MAP3K9: variants seen among roughly 807,000 people sequenced by gnomAD.
MAP3K9 encodes the protein mixed lineage kinase 1 (tyr and ser/thr specificity).
MAP3K9 carries 46 observed loss-of-function variants against 95.8 expected under a neutral mutation model. The observed-to-expected ratio is 0.48, with a 90% CI of 0.38 to 0.61. The LOEUF is 0.61. Ranked by LOEUF, MAP3K9 falls within the 20% of genes least tolerant of loss-of-function variation. The pLI is 0.00. For missense variants in MAP3K9, 1,296 were observed against 1,474.3 expected, an observed-to-expected ratio of 0.88 and a Z score of 1.98; for synonymous variants, 533 against 593.8, an observed-to-expected ratio of 0.90 and a Z score of 1.49.
intron 11 of MAP3K9, 76 bp downstream of exon 11, chr14:70,732,462 GA>G: frequency 6.8e-7 from 1 of 1,479,772 alleles, no homozygotes; most frequent in Non-Finnish European, 9.0e-7. Context: ...AGTGGAAAGA[GA>G]AAATGAGGCC....
chr14:70,756,536 G>A (rs1392342704), intron 3 of MAP3K9, among the ~76,000 whole-genome samples: 1 of 152,218 alleles, frequency 6.6e-6, no homozygotes, highest in Non-Finnish European at 1.5e-5. Flanking sequence ...TTGGAGCCAG[G>A]TGTGCCCACA....
At chr14:70,752,081 C>A (rs917807680) in intron 3 of MAP3K9, among the ~76,000 whole-genome samples, 3 of 152,188 alleles carry the variant, frequency 2.0e-5, no homozygotes, top group African/African-American at 4.8e-5. Flanking sequence ...CAAATACTAT[C>A]ATTTTCTTTA....
chr14:70,742,280 C>A, intron 6 of MAP3K9, 71 bp downstream of exon 6: 1 of 1,561,490 alleles, frequency 6.4e-7, no homozygotes. Flanking sequence ...CAGTCCCGGA[C>A]TCCCTCAAAC....
intron 1 of MAP3K9, among the ~76,000 whole-genome samples, chr14:70,804,698 C>T (rs540701380): frequency 1.9e-4 from 29 of 152,028 alleles, no homozygotes; most frequent in Non-Finnish European, 2.2e-4. Flanking sequence ...AAAATAAATG[C>T]AGGGAGGTTT....
intron 9 of MAP3K9, among the ~76,000 whole-genome samples, chr14:70,735,027 T>C (rs1319174571): frequency 6.6e-6 from 1 of 152,196 alleles, no homozygotes; most frequent in East Asian, 1.9e-4. Context: ...CATCCCCTTT[T>C]TAAAAGGCAA....
At chr14:70,802,245 T>G (rs894707375) in intron 1 of MAP3K9, among the ~76,000 whole-genome samples, 2 of 152,170 alleles carry the variant, frequency 1.3e-5, no homozygotes, top group Admixed American at 6.5e-5. Flanking sequence ...CAGAACTTGG[T>G]TCTACCTGGA....
At chr14:70,735,914 GA>G (rs1267283367) in intron 9 of MAP3K9, 46 bp downstream of exon 9, 2 of 1,343,690 alleles carry the variant, frequency 1.5e-6, no homozygotes, top group Admixed American at 1.7e-5. Context: ...AAATGGAAGG[GA>G]GATTGTTACC....
rs970901313 is a variant in MAP3K9, at chr14:70,728,919, T to A, written c.*1461A>T. ...GACTCTACTCCCAATCAAGTCGTCA[T>A]TCCCACATAAAGACAACTGTTCACA... On this transcript the variant is annotated 3_prime_UTR_variant, in exon 12 of 12. Transcript: ENST00000554752. The A allele has an allele frequency of 6.6e-6, 1 of 152,202 alleles. No individual in the cohort carries two copies. Among genetic ancestry groups the A allele is most frequent in the African/African-American group, 2.4e-5 (1 of 41,432 alleles). 9.4% of individuals were successfully genotyped at this position (152,202 alleles called of 1,614,324 possible).
chr14:70,793,570 T>C (rs1594809824), intron 2 of MAP3K9, among the ~76,000 whole-genome samples: 1 of 152,244 alleles, frequency 6.6e-6, no homozygotes, highest in East Asian at 1.9e-4. Flanking sequence ...TCCACACAAG[T>C]GAGGTCTGAA....
chr14:70,724,442 G>A lies in MAP3K9; in HGVS notation c.*5938C>T, dbSNP rs781708539. On this transcript the variant is annotated 3_prime_UTR_variant, in exon 12 of 12. Coordinates refer to ENST00000554752, the MANE Select transcript of MAP3K9 (RefSeq NM_001284230.2). ...AAAATTTAAAACGTATTTCACAGTG[G>A]TACCTAAGCCCCTCTCACAGGTCCA... 1.3e-5 allele frequency: 2 copies of A among 152,162 alleles called. No homozygotes were observed. The highest frequency in any genetic ancestry group is 2.9e-5 in the Non-Finnish European group (2 of 68,034). The allele number at this position is 152,162 out of a possible 1,614,324, so 9.4% of individuals were successfully genotyped here.
In MAP3K9 at chr14:70,800,554, AG is replaced by A. The variant is rs1325932868; in HGVS notation, c.820+112del. The A allele has an allele frequency of 4.7e-6, 5 of 1,069,880 alleles. No homozygotes were observed. In the African/African-American group the frequency reaches 6.3e-5, roughly 13 times the overall value. 66.3% of individuals were successfully genotyped at this position (1,069,880 alleles called of 1,614,324 possible). On this transcript the variant is annotated intron_variant, in intron 2 of 11. Transcript: ENST00000554752. ...TCCATTCAAGGATGGAATGTGTTTAAGCAAGGAGTTTCACTGCCCTCTAAGG... is the reference window on the plus strand; with the variant it reads ...TCCATTCAAGGATGGAATGTGTTTAACAAGGAGTTTCACTGCCCTCTAAGG...
At chr14:70,778,625 C>G (rs1316855408) in intron 2 of MAP3K9, among the ~76,000 whole-genome samples, 1 of 152,208 alleles carries the variant, frequency 6.6e-6, no homozygotes, top group Non-Finnish European at 1.5e-5. Context: ...ACACTGTCAT[C>G]ATCATTGCTA....
At chr14:70,789,923 C>G (rs1344416113) in intron 2 of MAP3K9, among the ~76,000 whole-genome samples, 3 of 152,138 alleles carry the variant, frequency 2.0e-5, no homozygotes, top group Non-Finnish European at 4.4e-5. Flanking sequence ...CCTAAGTGAC[C>G]TTGAGCCCCA....
At chr14:70,783,029 T>A (rs2054701526) in intron 2 of MAP3K9, among the ~76,000 whole-genome samples, 1 of 152,248 alleles carries the variant, frequency 6.6e-6, no homozygotes, top group South Asian at 2.1e-4. Context: ...AATGCCCATG[T>A]AAGGAAAAGT....
chr14:70,748,918 C>A lies in MAP3K9; in HGVS notation c.1237G>T (p.Glu413Ter). The A allele has an allele frequency of 6.2e-7, 1 of 1,614,068 alleles. No homozygotes were observed. The highest frequency in any genetic ancestry group is 8.5e-7 in the Non-Finnish European group (1 of 1,180,002). The change falls in exon 5 of 12, where the codon GAA becomes TAA. Residue 413 changes from glutamate to a stop codon, truncating the protein, a stop_gained. Coordinates refer to ENST00000554752, the MANE Select transcript of MAP3K9 (RefSeq NM_001284230.2). LOFTEE classifies it high-confidence loss of function. ...LTTIEESGFF[E>*]MPKDSFHCLQ... ...CAGTGGAAGGAGTCCTTGGGCATTT[C>A]AAAGAAACCAGACTCCTCTATGGTG...
chr14:70,727,292 A>G lies in MAP3K9; in HGVS notation c.*3088T>C, dbSNP rs2053832086. 1 of 152,196 alleles carries G rather than the reference A, an allele frequency of 6.6e-6. No homozygotes were observed. The highest frequency in any genetic ancestry group is 1.5e-5 in the Non-Finnish European group (1 of 68,034). The allele number at this position is 152,196 out of a possible 1,614,324, so 9.4% of individuals were successfully genotyped here. A position where few individuals can be genotyped will look rare whatever the true frequency, so the allele number is the denominator to read the frequency against. Reference sequence around the variant, plus strand: ...GAAATAACATACAGATAACTGAGGTATCTACTCAGCCTCCTGGCAGCAGTC... The same window carrying G: ...GAAATAACATACAGATAACTGAGGTGTCTACTCAGCCTCCTGGCAGCAGTC... On this transcript the variant is annotated 3_prime_UTR_variant, in exon 12 of 12. Transcript: ENST00000554752.
rs2139686939 is a variant in MAP3K9 at position 70,727,066 on chromosome 14, T to C, written c.*3314A>G. ...TCATTTCTCTTCACTTGAATTTTCATCTTTAAGCATTTCCCCTTCTCTACT... is the reference window on the plus strand; with the variant it reads ...TCATTTCTCTTCACTTGAATTTTCACCTTTAAGCATTTCCCCTTCTCTACT... On this transcript the variant is annotated 3_prime_UTR_variant, in exon 12 of 12. Coordinates refer to ENST00000554752, the MANE Select transcript of MAP3K9 (RefSeq NM_001284230.2). 1 of 152,370 alleles carries C rather than the reference T, an allele frequency of 6.6e-6. No individual in the cohort carries two copies. Among genetic ancestry groups the C allele is most frequent in the Middle Eastern group, 3.4e-3 (1 of 298 alleles). 9.4% of individuals were successfully genotyped at this position (152,370 alleles called of 1,614,324 possible).
intron 2 of MAP3K9, among the ~76,000 whole-genome samples, chr14:70,800,309 T>C (rs373640717): frequency 5.7e-4 from 87 of 152,260 alleles, no homozygotes; most frequent in Middle Eastern, 3.4e-3. Context: ...TACCTCTTGT[T>C]CCACAAAGAG....
intron 2 of MAP3K9, among the ~76,000 whole-genome samples, chr14:70,784,320 TAAAA>T (rs1194348285): frequency 1.3e-5 from 2 of 151,472 alleles, no homozygotes; most frequent in African/African-American, 4.9e-5. Context: ...TAAAATAAAA[TAAAA>T]AACAAAACCA....
Sources: allele counts gnomAD v4.1 joint callset (sites outside exome capture counted in the v4.1 genomes callset), GRCh38; gene constraint gnomAD v4.1.1; transcripts MANE v1.5; gene names NCBI Gene and HGNC (gene_info 2026-07-23, HGNC 2026-07-21).